IGF2R: variants seen among roughly 807,000 people sequenced by gnomAD.
IGF2R encodes insulin like growth factor 2 receptor.
A neutral mutation model predicts 270.6 loss-of-function variants in IGF2R; 91 were observed. That is an observed-to-expected ratio of 0.34 (90% CI 0.28 to 0.40). IGF2R has a LOEUF of 0.40. IGF2R is among the 10% of genes least tolerant of loss of function. The pLI, the probability that IGF2R is intolerant of heterozygous loss-of-function variation, is 1.00. For synonymous variants in IGF2R, 1,316 were observed against 1,258.9 expected (o/e 1.05, Z -0.96); for missense variants, 2,805 against 3,188.3 (o/e 0.88, Z 2.90).
chr6:160,057,973 T>C, intron 20 of IGF2R, 50 bp from the exon 21 acceptor site: 2 of 1,079,712 alleles, frequency 1.9e-6, no homozygotes, highest in East Asian at 4.7e-5. Flanking sequence ...GTTATGTTCC[T>C]GTGGAATTGG....
intron 29 of IGF2R, among the ~76,000 whole-genome samples, 181 bp downstream of exon 29, chr6:160,065,082 G>A (rs962776273): frequency 7.9e-5 from 12 of 152,232 alleles, no homozygotes; most frequent in African/African-American, 2.9e-4. Context: ...ACCACCTGGA[G>A]CTGCTGTGGT....
At chr6:160,041,259 G>A (rs562390058) in intron 11 of IGF2R, among the ~76,000 whole-genome samples, 26 of 152,190 alleles carry the variant, frequency 1.7e-4, no homozygotes, top group South Asian at 8.3e-4. Context: ...TGATGGGGGG[G>A]ATTTCTGGTT....
intron 2 of IGF2R, among the ~76,000 whole-genome samples, chr6:160,003,090 G>A (rs1784154921): frequency 6.6e-6 from 1 of 152,176 alleles, no homozygotes; most frequent in African/African-American, 2.4e-5. Flanking sequence ...TCCGACTGTA[G>A]TTGCCGTCCC....
rs181871870 is a variant in IGF2R, at chr6:160,093,871, C to T, written c.6656-2568C>T. Reference sequence around the variant, plus strand: ...TCTCAGATAAGCAGCTGGGCAGTATCGCAGACAGGACCATTCAGGAGGCTG... The same window carrying T: ...TCTCAGATAAGCAGCTGGGCAGTATTGCAGACAGGACCATTCAGGAGGCTG... On this transcript the variant is annotated intron_variant, in intron 44 of 47. Coordinates refer to ENST00000356956, the MANE Select transcript of IGF2R (RefSeq NM_000876.4). 6.6e-4 allele frequency: 478 copies of T among 726,068 alleles called. 6 individuals are homozygous for T. In the East Asian group the frequency reaches 8.8e-3, roughly 13 times the overall value. 45.0% of individuals were successfully genotyped at this position (726,068 alleles called of 1,614,324 possible).
chr6:160,059,634 C>T (rs1340990255), intron 22 of IGF2R, among the ~76,000 whole-genome samples: 2 of 152,226 alleles, frequency 1.3e-5, no homozygotes, highest in South Asian at 4.1e-4. Flanking sequence ...AGCTCAGAGC[C>T]CTCGGAGGCT....
At position 160,102,426 on chromosome 6, in the gene IGF2R, G is replaced by A. The variant is rs1779506945; in HGVS notation, c.6843-93G>A. On this transcript the variant is annotated intron_variant, in intron 45 of 47. Coordinates refer to ENST00000356956, the MANE Select transcript of IGF2R (RefSeq NM_000876.4). This position sits in a 1 kb window ranked among gnomAD's most constrained non-coding sequence, Gnocchi z 4.5. ...ATCACATGGTGTTGGGAAAGTCAGAGCTGCTCTTGCCTTGGGGACTCAGGT... is the reference window on the plus strand; with the variant it reads ...ATCACATGGTGTTGGGAAAGTCAGAACTGCTCTTGCCTTGGGGACTCAGGT... 8.6e-6 allele frequency: 12 copies of A among 1,391,320 alleles called. No individual in the cohort carries two copies. The highest frequency in any genetic ancestry group is 1.2e-5 in the Non-Finnish European group (12 of 1,000,064). 86.2% of individuals were successfully genotyped at this position (1,391,320 alleles called of 1,614,324 possible). A position where few individuals can be genotyped will look rare whatever the true frequency, so the allele number is the denominator to read the frequency against.
intron 29 of IGF2R, among the ~76,000 whole-genome samples, chr6:160,065,690 G>T (rs990785182): frequency 2.0e-5 from 3 of 151,460 alleles, no homozygotes; most frequent in Non-Finnish European, 4.4e-5. Flanking sequence ...TTTCTGCCAT[G>T]TGAGGCTGCC....
intron 39 of IGF2R, among the ~76,000 whole-genome samples, chr6:160,083,354 C>T (rs989007679): frequency 3.9e-5 from 6 of 152,254 alleles, no homozygotes; most frequent in Admixed American, 3.9e-4. Flanking sequence ...TCTCCTATCT[C>T]AGAGTTGAAC....
At chr6:160,071,740 A>T (rs1263129830) in intron 31 of IGF2R, among the ~76,000 whole-genome samples, 170 bp from the exon 32 acceptor site, 3 of 152,298 alleles carry the variant, frequency 2.0e-5, no homozygotes, top group African/African-American at 7.2e-5. Context: ...CTCAGGACAC[A>T]TTCTGACCCT....
chr6:160,089,389 C>T, intron 43 of IGF2R, 136 bp downstream of exon 43: 1 of 733,640 alleles, frequency 1.4e-6, no homozygotes, highest in Non-Finnish European at 2.1e-6. Context: ...TCATCGTCAT[C>T]TTTTGCTTAA....
In IGF2R at chr6:160,089,116, C is replaced by T. The variant is rs150265433; in HGVS notation, c.6330C>T (p.Ile2110=). Residue 2110 remains isoleucine (I), a synonymous_variant, in exon 43 of 48, where the codon ATC becomes ATT. Coordinates refer to ENST00000356956, the MANE Select transcript of IGF2R (RefSeq NM_000876.4). ...VGRPAFKRFD[I]DSCTYYFSWD... ...GCTTCCCTCCTCCTAGGTTTGATAT[C>T]GACAGCTGCACTTACTACTTCAGCT... 25 of 1,613,146 alleles carry T rather than the reference C, an allele frequency of 1.5e-5. No individual in the cohort carries two copies. Among genetic ancestry groups the T allele is most frequent in the East Asian group, 2.2e-5 (1 of 44,846 alleles).
At chr6:160,045,609 T>C in intron 13 of IGF2R, 136 bp from the exon 14 acceptor site, 1 of 956,710 alleles carries the variant, frequency 1.0e-6, no homozygotes, top group Non-Finnish European at 1.7e-6. Flanking sequence ...TTTGTAGGGC[T>C]GTTTTTTGAC....
intron 4 of IGF2R, among the ~76,000 whole-genome samples, chr6:160,017,732 A>C (rs972383118): frequency 6.6e-6 from 1 of 152,150 alleles, no homozygotes; most frequent in East Asian, 1.9e-4. Flanking sequence ...AAATCTGTCA[A>C]CCCTGAATTT....
rs769861600 is a variant in IGF2R at position 160,050,549 on chromosome 6, G to C, written c.2591G>C (p.Ser864Thr). ...KTGPVVEDSG[S>T]LLLEYVNGSA... ...GGCCCGGTGGTTGAGGACAGCGGCA[G>C]CCTCCTTCTGGAATACGTGAATGGG... Residue 864 changes from serine (S) to threonine (T), a missense_variant, in exon 19 of 48, where the codon AGC (serine) becomes ACC (threonine). Coordinates refer to ENST00000356956, the MANE Select transcript of IGF2R (RefSeq NM_000876.4). This position sits in a 1 kb window ranked among gnomAD's most constrained non-coding sequence, Gnocchi z 4.0. 22 of 1,614,012 alleles carry C rather than the reference G, an allele frequency of 1.4e-5. No homozygotes were observed. Among genetic ancestry groups the C allele is most frequent in the Non-Finnish European group, 1.9e-5 (22 of 1,180,012 alleles).
chr6:159,989,602 A>T lies in IGF2R; in HGVS notation c.150-1582A>T, dbSNP rs189481237. Among the ~76,000 whole-genome samples the T allele has an allele frequency of 4.0e-3, 613 of 152,280 alleles. 4 individuals carry two copies. Among genetic ancestry groups the T allele is most frequent in the Non-Finnish European group, 4.0e-3 (271 of 68,012 alleles). On this transcript the variant is annotated intron_variant, in intron 1 of 47. Transcript: ENST00000356956. ...CAGTTTTTGCATTGAAAATAAAAAA[A>T]TTTTATTTTTGTAGAGATGGGATCT...
intron 31 of IGF2R, among the ~76,000 whole-genome samples, chr6:160,071,300 C>T (rs1778732300): frequency 6.6e-6 from 1 of 151,046 alleles, no homozygotes; most frequent in Non-Finnish European, 1.5e-5. Flanking sequence ...TGTGTCGAGG[C>T]CCCTGTGCCC....
At chr6:159,982,197 G>A (rs1583240799) in intron 1 of IGF2R, among the ~76,000 whole-genome samples, 1 of 152,322 alleles carries the variant, frequency 6.6e-6, no homozygotes, top group African/African-American at 2.4e-5. Context: ...AAGGTCCAGT[G>A]TGGGAACCCT....
At position 160,045,850 on chromosome 6, in the gene IGF2R, G is replaced by T. The variant is rs1288029582; in HGVS notation, c.1871G>T (p.Gly624Val). 6.2e-7 allele frequency: 1 copy of T among 1,601,858 alleles called. No homozygotes were observed. Among genetic ancestry groups the T allele is most frequent in the South Asian group, 1.1e-5 (1 of 89,364 alleles). ...GCCTGTGTGCTGTCTAAGACAGAAG[G>T]GGAGAACTGCACGGTCTTTGACTCC... is the stretch of plus-strand genomic sequence containing the variant. ...AAACVLSKTE[G>V]ENCTVFDSQA... The change falls in exon 14 of 48, where the codon GGG (glycine) becomes GTG (valine). Residue 624 changes from glycine to valine, a missense_variant. Around this residue, in one of 2 missense-constraint regions of IGF2R, gnomAD observed 954 missense variants for 981.1 expected, o/e 0.97. Coordinates refer to ENST00000356956, the MANE Select transcript of IGF2R (RefSeq NM_000876.4).
chr6:159,972,228 C>T (rs1453759198), intron 1 of IGF2R, among the ~76,000 whole-genome samples: 1 of 152,034 alleles, frequency 6.6e-6, no homozygotes, highest in African/African-American at 2.4e-5. Flanking sequence ...ATAACTCGGC[C>T]AGGTCTCCAC....
Sources: gnomAD v4.1 joint callset for allele counts (sites outside exome capture counted in the v4.1 genomes callset) on GRCh38, gnomAD v4.1.1 for gene constraint, gnomAD v4.1.1 regional missense constraint, Gnocchi (gnomAD v3.1) non-coding constraint, MANE v1.5 for transcripts, NCBI Gene and HGNC (gene_info 2026-07-23, HGNC 2026-07-21) for gene names.